Variants in XYLB observed in about 807,000 individuals in gnomAD.
XYLB encodes xylulose kinase.
A neutral mutation model predicts 78.7 loss-of-function variants in XYLB; 62 were observed. The ratio of observed to expected loss-of-function variants is 0.79; its 90% CI spans 0.64 to 0.97. The LOEUF is 0.97. Ranked by LOEUF, XYLB falls within the 50% of genes least tolerant of loss-of-function variation. The probability of loss-of-function intolerance (pLI) is 0.00; values close to 1 mark genes in which losing one functional copy is unlikely to be tolerated. For missense variants in XYLB, 687 were observed against 676.8 expected (o/e 1.02, Z -0.17); for synonymous variants, 245 against 247.4 (o/e 0.99, Z 0.09).
intron 18 of XYLB, among the ~76,000 whole-genome samples, chr3:38,408,690 ATG>A (rs766088672): frequency 0.015 from 2,254 of 150,144 alleles, 25 homozygotes; most frequent in Non-Finnish European, 0.024. Flanking sequence ...GCAATAAAAA[ATG>A]ATAAAGGGGA....
At chr3:38,405,542 G>C (rs907111698) in intron 18 of XYLB, among the ~76,000 whole-genome samples, 1 of 152,208 alleles carries the variant, frequency 6.6e-6, no homozygotes, top group African/African-American at 2.4e-5. Context: ...ACAGGACAGT[G>C]GGTGCAGTGC....
chr3:38,392,357 G>A (rs918587520), intron 15 of XYLB, among the ~76,000 whole-genome samples: 5 of 152,172 alleles, frequency 3.3e-5, no homozygotes, highest in African/African-American at 1.2e-4. Context: ...GGAGTGCAAT[G>A]GCGCGATCTC....
At chr3:38,438,888 C>G in the XYLB span, among the ~76,000 whole-genome samples, 1 of 152,180 alleles carries the variant, frequency 6.6e-6, no homozygotes, top group African/African-American at 2.4e-5. Flanking sequence ...GTCCATTTTA[C>G]AAACCTCTAG....
the XYLB span, among the ~76,000 whole-genome samples, chr3:38,429,946 C>T: frequency 6.6e-6 from 1 of 152,290 alleles, no homozygotes; most frequent in African/African-American, 2.4e-5. Flanking sequence ...TTTCTTAATC[C>T]AGTCTATCAT....
intron 18 of XYLB, among the ~76,000 whole-genome samples, chr3:38,411,993 T>G (rs1168874819): frequency 6.6e-6 from 1 of 151,164 alleles, no homozygotes; most frequent in Non-Finnish European, 1.5e-5. Context: ...TCTTTTTTTT[T>G]TTTTTTCTTT....
At chr3:38,432,694 G>A in the XYLB span, among the ~76,000 whole-genome samples, 1 of 152,250 alleles carries the variant, frequency 6.6e-6, no homozygotes, top group Non-Finnish European at 1.5e-5. Context: ...CAACAAGGCA[G>A]CAATTAAATC....
chr3:38,370,023 GA>G (rs749822250), intron 8 of XYLB, 32 bp from the exon 9 acceptor site: 1 of 1,586,534 alleles, frequency 6.3e-7, no homozygotes, highest in Non-Finnish European at 8.7e-7. Context: ...CCATTTTCAA[GA>G]TTGTCTGTTG....
At chr3:38,411,561 C>T in intron 18 of XYLB, among the ~76,000 whole-genome samples, 1 of 151,788 alleles carries the variant, frequency 6.6e-6, no homozygotes, top group South Asian at 2.1e-4. Context: ...TTTGCCAGAA[C>T]TGCAATTTAC....
At chr3:38,348,468 T>A in intron 1 of XYLB, 82 bp from the exon 2 acceptor site, 5 of 1,345,866 alleles carry the variant, frequency 3.7e-6, no homozygotes, top group Non-Finnish European at 5.3e-6. Flanking sequence ...GTGTGGGGCC[T>A]CATCTGGTGA....
At chr3:38,396,042 T>A (rs1362748901) in intron 16 of XYLB, among the ~76,000 whole-genome samples, 1 of 152,208 alleles carries the variant, frequency 6.6e-6, no homozygotes, top group Non-Finnish European at 1.5e-5. Flanking sequence ...GACTGTCACC[T>A]GTGGGGCTGT....
intron 2 of XYLB, among the ~76,000 whole-genome samples, chr3:38,359,886 G>T (rs559633395): frequency 6.6e-6 from 1 of 152,124 alleles, no homozygotes; most frequent in South Asian, 2.1e-4. Context: ...GTCTTCTAGG[G>T]GTGAGGTGGG....
At chr3:38,365,763 G>T in intron 6 of XYLB, 27 bp downstream of exon 6, 1 of 1,596,782 alleles carries the variant, frequency 6.3e-7, no homozygotes, top group Non-Finnish European at 8.5e-7. Context: ...GGGGGTGCAG[G>T]GGGTGGTCTG....
At chr3:38,399,177 G>A (rs749824437) in intron 17 of XYLB, among the ~76,000 whole-genome samples, 1 of 152,132 alleles carries the variant, frequency 6.6e-6, no homozygotes, top group Non-Finnish European at 1.5e-5. Context: ...ATGGCTCACT[G>A]CAGCCTCGAC....
intron 16 of XYLB, among the ~76,000 whole-genome samples, chr3:38,395,980 G>T (rs1381798): frequency 2.0e-5 from 3 of 151,988 alleles, no homozygotes; most frequent in Non-Finnish European, 2.9e-5. Context: ...CCTTCATTAT[G>T]CCAGAAACAT....
intron 9 of XYLB, among the ~76,000 whole-genome samples, chr3:38,371,915 C>T (rs543885097): frequency 3.9e-5 from 6 of 152,156 alleles, no homozygotes; most frequent in African/African-American, 7.2e-5. Context: ...GCCAAGCCAC[C>T]GGGACTGGTA....
At chr3:38,402,706 G>C (rs1708166062) in intron 18 of XYLB, among the ~76,000 whole-genome samples, 1 of 152,130 alleles carries the variant, frequency 6.6e-6, no homozygotes, top group South Asian at 2.1e-4. Context: ...CTTGCTAATT[G>C]TGAGGCTTAA....
intron 18 of XYLB, among the ~76,000 whole-genome samples, chr3:38,412,287 G>T (rs1276195019): frequency 6.6e-6 from 1 of 152,102 alleles, no homozygotes; most frequent in East Asian, 1.9e-4. Context: ...TACCATGCCC[G>T]GCCAGATCTC....
At position 38,376,978 on chromosome 3, in the gene XYLB, C is replaced by T. The variant is rs754730205; in HGVS notation, c.1181C>T (p.Thr394Ile). The change falls in exon 14 of 19, where the codon ACA becomes ATA. Residue 394 changes from threonine (T) to isoleucine (I), a missense_variant. Physicochemically the swap from Thr to Ile is moderately conservative, Grantham distance 89. Transcript: ENST00000207870. ...ATTATTGGACGTCATAGGTTTAACA[C>T]AGAAAACCACAAGGTACATGTGCTG... ...PEIIGRHRFN[T>I]ENHKVAAFPG... is the part of the protein sequence containing the mutation. 66 of 1,613,816 alleles carry T rather than the reference C, an allele frequency of 4.1e-5. No individual in the cohort carries two copies. Among genetic ancestry groups the T allele is most frequent in the Non-Finnish European group, 5.3e-5 (63 of 1,179,848 alleles).
At chr3:38,380,497 C>T (rs2125614845) in intron 15 of XYLB, among the ~76,000 whole-genome samples, 2 of 152,234 alleles carry the variant, frequency 1.3e-5, no homozygotes, top group South Asian at 4.2e-4. Flanking sequence ...AGCTGCTTTG[C>T]TTGAGGGCCT....
Sources: gnomAD v4.1 joint callset for allele counts (sites outside exome capture counted in the v4.1 genomes callset) on GRCh38, gnomAD v4.1.1 for gene constraint, MANE v1.5 for transcripts, NCBI Gene and HGNC (gene_info 2026-07-23, HGNC 2026-07-21) for gene names.